The following HECTD2 variants were observed in gnomAD, a reference collection of about 807,000 sequenced individuals.
HECTD2 encodes the protein HECT domain E3 ubiquitin protein ligase 2.
HECTD2 carries 35 observed loss-of-function variants against 103.2 expected under a neutral mutation model. The observed-to-expected ratio is 0.34, with a 90% CI of 0.26 to 0.45. The LOEUF (loss-of-function observed/expected upper bound fraction) is 0.45, where lower values mean the gene tolerates loss of function less well. Among genes scored for constraint, HECTD2 ranks in the 20% least tolerant of loss-of-function variants. HECTD2 has a pLI of 1.00. For missense variants in HECTD2, 596 were observed against 937.4 expected (o/e 0.64, Z 4.76); for synonymous variants, 281 against 329.9 (o/e 0.85, Z 1.61).
intron 7 of HECTD2, 50 bp downstream of exon 7, chr10:91,481,189 C>A: frequency 1.2e-6 from 1 of 868,670 alleles, no homozygotes; most frequent in Non-Finnish European, 1.8e-6. Flanking sequence ...ATCTCAATCC[C>A]TACATGTGTA....
Position 91,414,883 on chromosome 10 carries a change from GT to G in HECTD2, c.138+4316del, listed in dbSNP as rs202173922. Among the ~76,000 whole-genome samples, 775 of 151,932 alleles carry G rather than the reference GT, an allele frequency of 5.1e-3. 5 individuals carry two copies. The highest frequency in any genetic ancestry group is 0.01 in the Middle Eastern group (3 of 294). ...ATCACTAGGCAGAAAAGCTTAGACA[GT>G]TTTTTTTTCCCCCTGCGGTTAGTGG... On this transcript the variant is annotated intron_variant, in intron 1 of 20. Coordinates refer to ENST00000298068, the MANE Select transcript of HECTD2 (RefSeq NM_182765.6).
At chr10:91,480,134 A>G (rs1353776813) in intron 6 of HECTD2, among the ~76,000 whole-genome samples, 1 of 152,150 alleles carries the variant, frequency 6.6e-6, no homozygotes, top group Non-Finnish European at 1.5e-5. Context: ...TGAAGGGTTA[A>G]GGCCAAACTG....
intron 5 of HECTD2, among the ~76,000 whole-genome samples, chr10:91,469,017 A>G (rs1845633095): frequency 6.6e-6 from 1 of 152,100 alleles, no homozygotes; most frequent in African/African-American, 2.4e-5. Flanking sequence ...AGAATTTCAG[A>G]GCTCAAAGAC....
chr10:91,504,427 C>G (rs1316391690), intron 20 of HECTD2, among the ~76,000 whole-genome samples: 1 of 151,840 alleles, frequency 6.6e-6, no homozygotes, highest in East Asian at 1.9e-4. Flanking sequence ...CAGAGAAGTG[C>G]TTAAAGGAGC....
intron 2 of HECTD2, among the ~76,000 whole-genome samples, chr10:91,431,374 C>G (rs1391219718): frequency 6.6e-6 from 1 of 152,032 alleles, no homozygotes; most frequent in Non-Finnish European, 1.5e-5. Flanking sequence ...TTGCTCTTCT[C>G]AAGGAGTATC....
At chr10:91,485,379 A>G in intron 10 of HECTD2, 76 bp downstream of exon 10, 1 of 1,157,412 alleles carries the variant, frequency 8.6e-7, no homozygotes, top group Non-Finnish European at 1.2e-6. Flanking sequence ...TTAAGTTTAT[A>G]TGAAGTTTAC....
rs924874640 is a variant in HECTD2 at position 91,513,235 on chromosome 10, T to C, written c.*851T>C. ...AAAAGAAATCAGACCTAAATAATCATTGATGAAGTATGTCAGTTACAAGCA... is the reference window on the plus strand; with the variant it reads ...AAAAGAAATCAGACCTAAATAATCACTGATGAAGTATGTCAGTTACAAGCA... On this transcript the variant is annotated 3_prime_UTR_variant, in exon 21 of 21. Transcript: ENST00000298068. 1 of 152,636 alleles carries C rather than the reference T, an allele frequency of 6.6e-6. No homozygotes were observed. The highest frequency in any genetic ancestry group is 1.5e-5 in the Non-Finnish European group (1 of 68,032). The allele number at this position is 152,636 out of a possible 1,614,324, so 9.5% of individuals were successfully genotyped here. A position where few individuals can be genotyped will look rare whatever the true frequency, so the allele number is the denominator to read the frequency against.
intron 16 of HECTD2, 147 bp from the exon 17 acceptor site, chr10:91,498,725 A>C: frequency 3.4e-6 from 2 of 593,890 alleles, no homozygotes. Context: ...CGTTCTTAAT[A>C]CAAATATTGC....
chr10:91,457,996 A>G (rs1011617620), intron 2 of HECTD2, among the ~76,000 whole-genome samples: 2 of 143,888 alleles, frequency 1.4e-5, no homozygotes, highest in African/African-American at 5.3e-5. Context: ...GACTTTCCCT[A>G]TTTGCAGATG....
chr10:91,469,506 G>A (rs1845650752), intron 5 of HECTD2, among the ~76,000 whole-genome samples: 1 of 152,142 alleles, frequency 6.6e-6, no homozygotes, highest in African/African-American at 2.4e-5. Context: ...GCCAAACAAA[G>A]CTTCATAATT....
chr10:91,428,776 G>C (rs1238162017), intron 2 of HECTD2, among the ~76,000 whole-genome samples: 4 of 151,866 alleles, frequency 2.6e-5, no homozygotes, highest in Non-Finnish European at 5.9e-5. Context: ...GGAGATTTTG[G>C]GCTGAGACAA....
intron 5 of HECTD2, among the ~76,000 whole-genome samples, chr10:91,465,458 G>C (rs570272695): frequency 6.6e-6 from 1 of 151,312 alleles, no homozygotes; most frequent in South Asian, 2.1e-4. Context: ...AAGAACCACA[G>C]CTCCCTAGAG....
intron 2 of HECTD2, among the ~76,000 whole-genome samples, chr10:91,433,108 T>G (rs1843963170): frequency 6.6e-6 from 1 of 151,998 alleles, no homozygotes. Flanking sequence ...ACAGGTTTCC[T>G]TAAAGAATGA....
intron 1 of HECTD2, among the ~76,000 whole-genome samples, chr10:91,420,800 T>G (rs945812020): frequency 6.6e-5 from 10 of 152,270 alleles, no homozygotes; most frequent in African/African-American, 2.4e-4. Flanking sequence ...ATTGACATAC[T>G]AGGAAGCATC....
intron 2 of HECTD2, among the ~76,000 whole-genome samples, chr10:91,458,749 T>A (rs944087520): frequency 6.6e-6 from 1 of 151,948 alleles, no homozygotes; most frequent in Non-Finnish European, 1.5e-5. Context: ...TTAAAATGGA[T>A]AATGGACTTA....
chr10:91,424,152 C>T (rs568197384), intron 1 of HECTD2, among the ~76,000 whole-genome samples: 9 of 152,138 alleles, frequency 5.9e-5, no homozygotes, highest in African/African-American at 1.7e-4. Context: ...TTGCCACAGT[C>T]GAGGAAAAGA....
chr10:91,456,710 G>A (rs184939487), intron 2 of HECTD2, among the ~76,000 whole-genome samples: 13 of 152,094 alleles, frequency 8.5e-5, no homozygotes, highest in East Asian at 5.8e-4. Flanking sequence ...ATTGGCTGTG[G>A]GTTTGTCATA....
At chr10:91,459,385 A>G (rs573347615) in intron 2 of HECTD2, among the ~76,000 whole-genome samples, 2 of 152,128 alleles carry the variant, frequency 1.3e-5, no homozygotes, top group South Asian at 4.1e-4. Context: ...CTCTACACAA[A>G]TGTTTCTAGC....
In HECTD2 at chr10:91,450,297, G is replaced by A. The variant is rs532420962; in HGVS notation, c.269-10130G>A. Among the ~76,000 whole-genome samples the A allele has an allele frequency of 4.6e-5, 7 of 152,264 alleles. No individual in the cohort carries two copies. The East Asian group carries it at 1.3e-3, about 29-fold the overall frequency. ...GGAAAGGATTCCCTATTTAATAAATGGTGCTGGGGAAACTGGCTAGTCATA... is the reference window on the plus strand; with the variant it reads ...GGAAAGGATTCCCTATTTAATAAATAGTGCTGGGGAAACTGGCTAGTCATA... On this transcript the variant is annotated intron_variant, in intron 2 of 20. Transcript: ENST00000298068.
Sources: allele counts gnomAD v4.1 joint callset (sites outside exome capture counted in the v4.1 genomes callset), GRCh38; gene constraint gnomAD v4.1.1; transcripts MANE v1.5; gene names NCBI Gene and HGNC (gene_info 2026-07-23, HGNC 2026-07-21).